Variants in NR3C1 observed in about 807,000 individuals in gnomAD.
NR3C1 encodes the protein nuclear receptor subfamily 3 group C member 1.
Under a neutral mutation model 74.0 loss-of-function variants are expected in NR3C1, and 14 were observed. The ratio of observed to expected loss-of-function variants is 0.19; its 90% CI spans 0.12 to 0.30. The LOEUF (loss-of-function observed/expected upper bound fraction) is 0.30. Among genes scored for constraint, NR3C1 ranks in the 10% least tolerant of loss-of-function variants. The pLI is 1.00. For missense variants in NR3C1, 695 were observed against 909.8 expected (o/e 0.76, Z 3.04); for synonymous variants, 308 against 332.5 (o/e 0.93, Z 0.80).
At position 143,298,771 on chromosome 5, in the gene NR3C1, G is replaced by C. The variant is rs769444170; in HGVS notation, c.1789C>G (p.Gln597Glu). 1.2e-6 allele frequency: 2 copies of C among 1,613,734 alleles called. No homozygotes were observed. The highest frequency in any genetic ancestry group is 3.3e-5 in the Admixed American group (2 of 60,000). ...GCCATAAGAAACATCCAGGAGTACTGCAGTAGGGTCATTTGGTCATCCAGG... is the reference window on the plus strand; with the variant it reads ...GCCATAAGAAACATCCAGGAGTACTCCAGTAGGGTCATTTGGTCATCCAGG... Reference protein sequence around the residue: ...LHLDDQMTLLQYSWMFLMAFA... With the variant: ...LHLDDQMTLLEYSWMFLMAFA... The change falls in exon 6 of 9, where the codon CAG (glutamine) becomes GAG (glutamate). Residue 597 changes from glutamine to glutamate, a missense_variant. Around this residue, in one of 4 missense-constraint regions of NR3C1, gnomAD observed 133 missense variants for 287.9 expected, o/e 0.46. Transcript: ENST00000394464.
intron 2 of NR3C1, among the ~76,000 whole-genome samples, chr5:143,325,046 GTCT>G (rs1373492540): frequency 3.9e-5 from 6 of 152,008 alleles, no homozygotes; most frequent in Non-Finnish European, 8.8e-5. Context: ...ACATTTTCCC[GTCT>G]TCTTCTGAGT....
At chr5:143,393,447 T>C (rs1274211960) in intron 2 of NR3C1, among the ~76,000 whole-genome samples, 4 of 152,144 alleles carry the variant, frequency 2.6e-5, no homozygotes, top group African/African-American at 9.6e-5. Context: ...ACTGTCTCCC[T>C]TAGCATTAGA....
intron 8 of NR3C1, 116 bp downstream of exon 8, chr5:143,282,452 A>G: frequency 1.7e-6 from 2 of 1,164,386 alleles, no homozygotes; most frequent in Non-Finnish European, 1.2e-6. Context: ...GCTATCACCA[A>G]CATCCACAAA....
intron 2 of NR3C1, among the ~76,000 whole-genome samples, chr5:143,375,023 T>G (rs143145751): frequency 6.6e-6 from 1 of 152,240 alleles, no homozygotes; most frequent in African/African-American, 2.4e-5. Flanking sequence ...ATTCAACACA[T>G]CACCTTGCCA....
intron 1 of NR3C1, among the ~76,000 whole-genome samples, chr5:143,425,799 G>A (rs529082081): frequency 9.8e-5 from 15 of 152,312 alleles, no homozygotes; most frequent in African/African-American, 3.1e-4. Context: ...TTCAGACACT[G>A]TGGAAAACAT....
At chr5:143,388,066 T>C (rs1038842272) in intron 2 of NR3C1, among the ~76,000 whole-genome samples, 3 of 152,218 alleles carry the variant, frequency 2.0e-5, no homozygotes, top group African/African-American at 7.2e-5. Flanking sequence ...AGCAAGCTTT[T>C]AACAAACCAC....
chr5:143,331,596 A>G (rs556478003), intron 2 of NR3C1, among the ~76,000 whole-genome samples: 6 of 152,314 alleles, frequency 3.9e-5, no homozygotes, highest in Admixed American at 3.9e-4. Flanking sequence ...GGAATTCTAC[A>G]CAGCGATAAA....
chr5:143,313,543 T>C (rs1197216862), intron 3 of NR3C1, among the ~76,000 whole-genome samples: 5 of 150,724 alleles, frequency 3.3e-5, no homozygotes, highest in South Asian at 2.1e-4. Flanking sequence ...CCTGGCTTAA[T>C]AGAAAAAAAA....
At chr5:143,379,628 C>T (rs1725201275) in intron 2 of NR3C1, among the ~76,000 whole-genome samples, 1 of 152,164 alleles carries the variant, frequency 6.6e-6, no homozygotes, top group South Asian at 2.1e-4. Context: ...TAGACTAGCC[C>T]CGTGATTTGC....
At chr5:143,282,118 T>C (rs1049422570) in intron 8 of NR3C1, 77 bp from the exon 9 acceptor site, 268 of 1,511,072 alleles carry the variant, frequency 1.8e-4, no homozygotes, top group Non-Finnish European at 2.4e-4. Flanking sequence ...GTCCTCTATT[T>C]TGAAAAAATT....
chr5:143,294,479 C>CT (rs1224156805), intron 7 of NR3C1: 2 of 217,882 alleles, frequency 9.2e-6, no homozygotes, highest in African/African-American at 4.7e-5. Flanking sequence ...CATATACCTC[C>CT]TGTCCCACAC....
intron 2 of NR3C1, among the ~76,000 whole-genome samples, chr5:143,351,205 C>A (rs1830164417): frequency 6.6e-6 from 1 of 152,132 alleles, no homozygotes; most frequent in Non-Finnish European, 1.5e-5. Flanking sequence ...ATCCTATGTA[C>A]AACTGCCAGA....
intron 5 of NR3C1, among the ~76,000 whole-genome samples, chr5:143,299,253 A>C (rs2151551920): frequency 6.6e-6 from 1 of 151,254 alleles, no homozygotes; most frequent in South Asian, 2.1e-4. Flanking sequence ...ACCTCAACTG[A>C]TCCACCCACC....
At chr5:143,431,832 A>G (rs1751842924) in intron 1 of NR3C1, among the ~76,000 whole-genome samples, 1 of 152,154 alleles carries the variant, frequency 6.6e-6, no homozygotes, top group African/African-American at 2.4e-5. Flanking sequence ...TAACTCTGTA[A>G]AAGGTAGTAA....
upstream of NR3C1, among the ~76,000 whole-genome samples, chr5:143,407,954 A>AGTGG (rs1841169848): frequency 6.6e-6 from 1 of 152,238 alleles, no homozygotes; most frequent in Admixed American, 6.5e-5. Flanking sequence ...GAAGCCTTCT[A>AGTGG]GTGGATGTGA....
intron 2 of NR3C1, among the ~76,000 whole-genome samples, chr5:143,393,213 C>T (rs1838602305): frequency 6.6e-6 from 1 of 152,110 alleles, no homozygotes; most frequent in Non-Finnish European, 1.5e-5. Context: ...AACACCAAAT[C>T]TGCATTCACA....
chr5:143,402,544 C>A (rs1037701237), intron 1 of NR3C1: 3 of 962,334 alleles, frequency 3.1e-6, no homozygotes, highest in Non-Finnish European at 3.7e-6. Flanking sequence ...CAAGCCCTTG[C>A]GGGGCGGGGG....
chr5:143,311,331 C>T, intron 3 of NR3C1, among the ~76,000 whole-genome samples: 1 of 152,152 alleles, frequency 6.6e-6, no homozygotes, highest in Non-Finnish European at 1.5e-5. Context: ...TCACCCACTG[C>T]TAAAAATGAA....
At chr5:143,322,152 C>T (rs993245531) in intron 2 of NR3C1, among the ~76,000 whole-genome samples, 1 of 152,172 alleles carries the variant, frequency 6.6e-6, no homozygotes, top group African/African-American at 2.4e-5. Context: ...ATTTAATCCT[C>T]TCCACAGACC....
Sources: allele counts gnomAD v4.1 joint callset (sites outside exome capture counted in the v4.1 genomes callset), GRCh38; gene constraint gnomAD v4.1.1; regional missense constraint gnomAD v4.1.1; transcripts MANE v1.5; gene names NCBI Gene and HGNC (gene_info 2026-07-23, HGNC 2026-07-21).